The following GPR26 variants were observed in gnomAD, a reference collection of about 807,000 sequenced individuals.
GPR26 encodes the protein G protein-coupled receptor 26.
Under a neutral mutation model 23.1 loss-of-function variants are expected in GPR26, and 15 were observed. That is an observed-to-expected ratio of 0.65 (90% CI 0.43 to 1.00). The LOEUF is 1.00. Among genes scored for constraint, GPR26 ranks in the 50% least tolerant of loss-of-function variants. The pLI, the probability that GPR26 is intolerant of heterozygous loss-of-function variation, is 0.00. For missense variants in GPR26, 359 were observed against 470.5 expected (o/e 0.76, Z 2.19); for synonymous variants, 228 against 222.1 (o/e 1.03, Z -0.24).
intron 1 of GPR26, among the ~76,000 whole-genome samples, chr10:123,673,192 GA>G (rs1275472451): frequency 6.6e-6 from 1 of 152,156 alleles, no homozygotes; most frequent in East Asian, 1.9e-4. Flanking sequence ...AAGTCAGGGG[GA>G]AAAATCTTGG....
chr10:123,680,342 C>G (rs899726269), intron 2 of GPR26, among the ~76,000 whole-genome samples: 1 of 152,194 alleles, frequency 6.6e-6, no homozygotes, highest in African/African-American at 2.4e-5. Flanking sequence ...ACAGTTTGCT[C>G]AGGTGTTTTT....
At chr10:123,684,901 G>A (rs1455553813) in intron 2 of GPR26, among the ~76,000 whole-genome samples, 2 of 152,194 alleles carry the variant, frequency 1.3e-5, no homozygotes, top group African/African-American at 4.8e-5. Context: ...ATGACAAAAG[G>A]AAGCCAAGTC....
chr10:123,690,820 T>C lies in GPR26; in HGVS notation c.*2660T>C, dbSNP rs1845484208. The C allele has an allele frequency of 6.6e-6, 1 of 152,248 alleles. No homozygotes were observed. The highest frequency in any genetic ancestry group is 6.5e-5 in the Admixed American group (1 of 15,292). 9.4% of individuals were successfully genotyped at this position (152,248 alleles called of 1,614,324 possible). The stretch of plus-strand genomic sequence containing the variant: ...CCCAATTGAATTATCTACCTCATTT[T>C]GTTAATTTAATTTATCAAAGGTAAC... On this transcript the variant is annotated 3_prime_UTR_variant, in exon 3 of 3. Coordinates refer to ENST00000284674, the MANE Select transcript of GPR26 (RefSeq NM_153442.4).
chr10:123,687,798 G>A (rs1242897534), intron 2 of GPR26, 131 bp from the exon 3 acceptor site: 3 of 627,544 alleles, frequency 4.8e-6, no homozygotes, highest in Non-Finnish European at 8.6e-6. Context: ...TATTTGAGGA[G>A]GCAGTCTCAG....
rs1220497860 is a variant in GPR26, at chr10:123,674,173, G to A, written c.669-645G>A. On this transcript the variant is annotated intron_variant, in intron 1 of 2. Coordinates refer to ENST00000284674, the MANE Select transcript of GPR26 (RefSeq NM_153442.4). The surrounding 1 kb of genome is among the most constrained non-coding windows in gnomAD (Gnocchi z 4.1). ...AGGTTTCACCACGTTGGCCAGGCTG[G>A]TCTCAAACTCCCGACCTCAGGTGAT... Among the ~76,000 whole-genome samples the A allele has an allele frequency of 6.6e-6, 1 of 152,132 alleles. No individual in the cohort carries two copies.
chr10:123,677,343 G>T (rs1845321996), intron 2 of GPR26, among the ~76,000 whole-genome samples: 1 of 152,166 alleles, frequency 6.6e-6, no homozygotes, highest in African/African-American at 2.4e-5. Flanking sequence ...CCTCCATGGG[G>T]ATGAGCAGCA....
rs1424276743 is a variant in GPR26, at chr10:123,691,547, A to G, written c.*3387A>G. ...CTACAGTGTGACCCTTGGAGGAACC[A>G]AAGGCTGTGCATTGTTAGAATTTAG... On this transcript the variant is annotated 3_prime_UTR_variant, in exon 3 of 3. Transcript: ENST00000284674. The G allele has an allele frequency of 2.0e-5, 3 of 152,206 alleles. No homozygotes were observed. The highest frequency in any genetic ancestry group is 7.2e-5 in the African/African-American group (3 of 41,440). 9.4% of individuals were successfully genotyped at this position (152,206 alleles called of 1,614,324 possible). A position where few individuals can be genotyped will look rare whatever the true frequency, so the allele number is the denominator to read the frequency against.
In GPR26 at chr10:123,689,021, A is replaced by C. The variant is rs1411592166; in HGVS notation, c.*861A>C. 6.6e-6 allele frequency: 1 copy of C among 152,106 alleles called. No individual in the cohort carries two copies. The highest frequency in any genetic ancestry group is 2.4e-5 in the African/African-American group (1 of 41,404). The allele number at this position is 152,106 out of a possible 1,614,324, so 9.4% of individuals were successfully genotyped here. ...TGGTCCTCCCTTCCCCCTGTTTGTG[A>C]CCTGAATTTACAGGAAGTGTTTCAA... On this transcript the variant is annotated 3_prime_UTR_variant, in exon 3 of 3. Coordinates refer to ENST00000284674, the MANE Select transcript of GPR26 (RefSeq NM_153442.4).
intron 2 of GPR26, among the ~76,000 whole-genome samples, chr10:123,685,750 A>G (rs1845425530): frequency 6.6e-6 from 1 of 152,220 alleles, no homozygotes. Flanking sequence ...TGAGATTCAC[A>G]TCTTGGCGTG....
intron 2 of GPR26, among the ~76,000 whole-genome samples, chr10:123,677,168 A>G (rs1312554603): frequency 7.0e-6 from 1 of 142,698 alleles, no homozygotes; most frequent in Admixed American, 7.1e-5. Flanking sequence ...TCATTTCCCA[A>G]CAACATTTTC....
intron 2 of GPR26, among the ~76,000 whole-genome samples, chr10:123,677,135 T>C (rs1845319973): frequency 6.6e-6 from 1 of 151,324 alleles, no homozygotes. Context: ...CTTCAAACTA[T>C]TGGACTTTTC....
chr10:123,682,115 A>C (rs2133929028), intron 2 of GPR26, among the ~76,000 whole-genome samples: 1 of 152,334 alleles, frequency 6.6e-6, no homozygotes, highest in East Asian at 1.9e-4. Flanking sequence ...CCTGATTTCC[A>C]GTAGGGCCAC....
chr10:123,688,751 C>T lies in GPR26; in HGVS notation c.*591C>T, dbSNP rs748948089. ...GTGCCTGAGGGAAAATGTTTCACAACTAGTGGCTGCCCAATTGCTGCTGAC... is the reference window on the plus strand; with the variant it reads ...GTGCCTGAGGGAAAATGTTTCACAATTAGTGGCTGCCCAATTGCTGCTGAC... On this transcript the variant is annotated 3_prime_UTR_variant, in exon 3 of 3. Coordinates refer to ENST00000284674, the MANE Select transcript of GPR26 (RefSeq NM_153442.4). The T allele has an allele frequency of 6.4e-6, 1 of 155,508 alleles. No homozygotes were observed. The highest frequency in any genetic ancestry group is 1.4e-5 in the Non-Finnish European group (1 of 70,130). The allele number at this position is 155,508 out of a possible 1,614,324, so 9.6% of individuals were successfully genotyped here.
At chr10:123,671,720 G>A (rs1845251993) in intron 1 of GPR26, among the ~76,000 whole-genome samples, 1 of 152,186 alleles carries the variant, frequency 6.6e-6, no homozygotes, top group African/African-American at 2.4e-5. Flanking sequence ...GGCAGGCAGT[G>A]GGGTCTCAGG....
At chr10:123,687,666 G>A (rs1206733547) in intron 2 of GPR26, among the ~76,000 whole-genome samples, 1 of 4,182 alleles carries the variant, frequency 2.4e-4, no homozygotes, top group Non-Finnish European at 4.1e-3. Flanking sequence ...GTAAAACAGA[G>A]ATGGTCATAT....
At chr10:123,685,572 A>T (rs1845423784) in intron 2 of GPR26, among the ~76,000 whole-genome samples, 1 of 152,226 alleles carries the variant, frequency 6.6e-6, no homozygotes, top group Non-Finnish European at 1.5e-5. Flanking sequence ...CTTTGCTTGG[A>T]GGCCCTGATA....
In GPR26 at chr10:123,676,628, A is replaced by G. The variant is rs1375611372; in HGVS notation, c.782+1697A>G. On this transcript the variant is annotated intron_variant, in intron 2 of 2. Transcript: ENST00000284674. ...ACCCACCACATCTAGCCAGGAAGCC[A>G]CAGCTTACATCATTCAGGGTTTTCC... Among the ~76,000 whole-genome samples, 4 of 152,352 alleles carry G rather than the reference A, an allele frequency of 2.6e-5. No individual in the cohort carries two copies. In the East Asian group the frequency reaches 7.7e-4, roughly 29 times the overall value.
chr10:123,677,025 G>A (rs945290601), intron 2 of GPR26, among the ~76,000 whole-genome samples: 1 of 152,196 alleles, frequency 6.6e-6, no homozygotes, highest in Admixed American at 6.5e-5. Flanking sequence ...ATCAGACAGG[G>A]AGGGCACACA....
At chr10:123,671,708 A>G (rs924823751) in intron 1 of GPR26, among the ~76,000 whole-genome samples, 3 of 152,182 alleles carry the variant, frequency 2.0e-5, no homozygotes, top group Non-Finnish European at 4.4e-5. Context: ...CAGTGATTCT[A>G]TGGCAGGCAG....
Sources: gnomAD v4.1 joint callset for allele counts (sites outside exome capture counted in the v4.1 genomes callset) on GRCh38, gnomAD v4.1.1 for gene constraint, Gnocchi (gnomAD v3.1) non-coding constraint, MANE v1.5 for transcripts, NCBI Gene and HGNC (gene_info 2026-07-23, HGNC 2026-07-21) for gene names.